CHP1: variants seen among roughly 807,000 people sequenced by gnomAD.
The protein encoded by CHP1 is calcineurin like EF-hand protein 1.
In CHP1, 11 loss-of-function variants were observed where a neutral mutation model predicts 27.4. The observed-to-expected ratio is 0.40, with a 90% CI of 0.25 to 0.67. The LOEUF (loss-of-function observed/expected upper bound fraction) is 0.67, where lower values mean the gene tolerates loss of function less well. CHP1 is among the 30% of genes least tolerant of loss of function. The pLI is 0.38. For missense variants in CHP1, 169 were observed against 251.3 expected (o/e 0.67, Z 2.22); for synonymous variants, 89 against 87.4 (o/e 1.02, Z -0.10).
In CHP1 at chr15:41,262,815, A is replaced by T; in HGVS notation, c.281A>T (p.Glu94Val). 6.2e-7 allele frequency: 1 copy of T among 1,613,968 alleles called. No individual in the cohort carries two copies. The highest frequency in any genetic ancestry group is 8.5e-7 in the Non-Finnish European group (1 of 1,180,028). ...ACTTTGGCTCATTTCCGCCCCATTGAGGATAATGAAAAGAGCAAAGATGTG... is the reference window on the plus strand; with the variant it reads ...ACTTTGGCTCATTTCCGCCCCATTGTGGATAATGAAAAGAGCAAAGATGTG... ...MRTLAHFRPIEDNEKSKDVNG... is the reference protein window; with the variant it reads ...MRTLAHFRPIVDNEKSKDVNG... The change falls in exon 4 of 7, where the codon GAG becomes GTG. Residue 94 changes from glutamate (E) to valine (V), a missense_variant. By Grantham distance (121) the Glu-to-Val change is moderately radical (BLOSUM62 -2). Coordinates refer to ENST00000334660, the MANE Select transcript of CHP1 (RefSeq NM_007236.5).
In CHP1 at chr15:41,244,082, C is replaced by A. The variant is rs542492365; in HGVS notation, c.140+343C>A. Among the ~76,000 whole-genome samples the A allele has an allele frequency of 2.0e-5, 3 of 151,770 alleles. No homozygotes were observed. In the South Asian group the frequency reaches 6.3e-4, roughly 32 times the overall value. On this transcript the variant is annotated intron_variant, in intron 2 of 6. Transcript: ENST00000334660. ...GTGTGGTGGTAGGCGCCTGTAATCC[C>A]AGCTACTCAGGAGGCTGAGGTAGGA...
intron 5 of CHP1, among the ~76,000 whole-genome samples, chr15:41,278,515 C>G (rs542034883): frequency 6.6e-6 from 1 of 152,276 alleles, no homozygotes; most frequent in Admixed American, 6.5e-5. Context: ...CTACTCCACC[C>G]TCTGGTAGGC....
chr15:41,265,363 CAAAAAAAAAAAAAAA>C lies in CHP1; in HGVS notation c.349+2498_349+2512del, dbSNP rs544658200. On this transcript the variant is annotated intron_variant, in intron 4 of 6. Coordinates refer to ENST00000334660, the MANE Select transcript of CHP1 (RefSeq NM_007236.5). Reference sequence around the variant, plus strand: ...TGGGTGATAGAGCGAGACTCTGTCTCAAAAAAAAAAAAAAAAAAAAAAAAAAAAAAAAGGAGATGT... The same window carrying C: ...TGGGTGATAGAGCGAGACTCTGTCTCAAAAAAAAAAAAAAAAAGGAGATGT... Among the ~76,000 whole-genome samples, 15 of 36,880 alleles carry C rather than the reference CAAAAAAAAAAAAAAA, an allele frequency of 4.1e-4. 1 individual carries two copies. The highest frequency in any genetic ancestry group is 3.5e-3 in the South Asian group (2 of 568). The allele number at this position is 36,880 out of a possible 152,430, so 24.2% of individuals were successfully genotyped here.
At chr15:41,259,168 T>G (rs2047418509) in intron 3 of CHP1, among the ~76,000 whole-genome samples, 1 of 152,206 alleles carries the variant, frequency 6.6e-6, no homozygotes, top group South Asian at 2.1e-4. Context: ...CAGAGATAAC[T>G]TTCACAGCTA....
intron 1 of CHP1, among the ~76,000 whole-genome samples, chr15:41,236,181 T>C (rs577565500): frequency 2.6e-5 from 4 of 151,320 alleles, no homozygotes; most frequent in Non-Finnish European, 5.9e-5. Context: ...TGGCCTCAAA[T>C]GATCCTTCCA....
At chr15:41,234,579 A>G (rs2047267721) in intron 1 of CHP1, among the ~76,000 whole-genome samples, 1 of 152,224 alleles carries the variant, frequency 6.6e-6, no homozygotes, top group Admixed American at 6.6e-5. Context: ...CTACATGACT[A>G]GATTAGCTGG....
chr15:41,237,864 C>A (rs2047285388), intron 1 of CHP1, among the ~76,000 whole-genome samples: 1 of 152,132 alleles, frequency 6.6e-6, no homozygotes, highest in African/African-American at 2.4e-5. Flanking sequence ...CACGTGCCAC[C>A]ATGCCCGGCT....
At chr15:41,239,970 G>A (rs2047297826) in intron 1 of CHP1, among the ~76,000 whole-genome samples, 1 of 151,600 alleles carries the variant, frequency 6.6e-6, no homozygotes, top group African/African-American at 2.4e-5. Context: ...TAGAGACAGG[G>A]TTTCACCGTG....
At chr15:41,239,656 C>G (rs1160627311) in intron 1 of CHP1, among the ~76,000 whole-genome samples, 3 of 152,108 alleles carry the variant, frequency 2.0e-5, no homozygotes. Flanking sequence ...CTCAGCCCCC[C>G]AAAGTGCTGG....
In CHP1 at chr15:41,256,396, C is replaced by G. The variant is rs116947684; in HGVS notation, c.141-514C>G. ...AATGGAGAAAAAGCCAGAGTCAGAA[C>G]AAGGAAATCAATTGGTTGTCACATT... On this transcript the variant is annotated intron_variant, in intron 2 of 6. Transcript: ENST00000334660. Among the ~76,000 whole-genome samples the G allele has an allele frequency of 6.9e-3, 1,046 of 152,240 alleles. 4 individuals are homozygous for G. The highest frequency in any genetic ancestry group is 0.011 in the Admixed American group (172 of 15,270).
At chr15:41,246,073 T>C (rs888569128) in intron 2 of CHP1, among the ~76,000 whole-genome samples, 4 of 152,174 alleles carry the variant, frequency 2.6e-5, no homozygotes, top group African/African-American at 7.2e-5. Flanking sequence ...ATTAAAACTA[T>C]GTGAATTTAC....
At chr15:41,241,988 T>G (rs1427770831) in intron 1 of CHP1, among the ~76,000 whole-genome samples, 1 of 152,186 alleles carries the variant, frequency 6.6e-6, no homozygotes, top group East Asian at 1.9e-4. Flanking sequence ...TTCCAATCTA[T>G]CAGGAGACTA....
chr15:41,280,709 C>G lies in CHP1; in HGVS notation c.*1320C>G, dbSNP rs2047541160. 6.6e-6 allele frequency: 1 copy of G among 150,776 alleles called. No homozygotes were observed. The allele number at this position is 150,776 out of a possible 1,614,324, so 9.3% of individuals were successfully genotyped here. On this transcript the variant is annotated 3_prime_UTR_variant, in exon 7 of 7. Transcript: ENST00000334660. ...TGTATTTTTAGTGGAGACAGGGTTT[C>G]ACCATGTTGGCCAGGCTGGTCTCGA...
intron 5 of CHP1, among the ~76,000 whole-genome samples, chr15:41,271,550 G>T (rs2047489796): frequency 6.6e-6 from 1 of 152,180 alleles, no homozygotes; most frequent in Non-Finnish European, 1.5e-5. Flanking sequence ...AGGTAATTCT[G>T]ATGACACTTA....
chr15:41,270,451 G>A (rs2047482936), intron 4 of CHP1, 106 bp from the exon 5 acceptor site: 2 of 811,876 alleles, frequency 2.5e-6, no homozygotes, highest in African/African-American at 1.7e-5. Context: ...TTGGAAAATC[G>A]ATTAATTGGC....
In CHP1 at chr15:41,264,099, A is replaced by G. The variant is rs931648845; in HGVS notation, c.349+1216A>G. Reference sequence around the variant, plus strand: ...CTCATAGTCTGTTTTATCCTAAAGTATTATGGTCACATGGCAGCTCTCAGT... The same window carrying G: ...CTCATAGTCTGTTTTATCCTAAAGTGTTATGGTCACATGGCAGCTCTCAGT... On this transcript the variant is annotated intron_variant, in intron 4 of 6. Coordinates refer to ENST00000334660, the MANE Select transcript of CHP1 (RefSeq NM_007236.5). 16 of 815,140 alleles carry G rather than the reference A, an allele frequency of 2.0e-5. No homozygotes were observed. The African/African-American group carries it at 2.5e-4, about 13-fold the overall frequency. The allele number at this position is 815,140 out of a possible 1,614,324, so 50.5% of individuals were successfully genotyped here.
At chr15:41,263,240 T>C (rs2047442397) in intron 4 of CHP1, among the ~76,000 whole-genome samples, 1 of 152,222 alleles carries the variant, frequency 6.6e-6, no homozygotes, top group Non-Finnish European at 1.5e-5. Context: ...TTATAATTCA[T>C]TGAGCACCTA....
intron 5 of CHP1, among the ~76,000 whole-genome samples, chr15:41,273,165 AAT>A (rs535839294): frequency 1.3e-4 from 19 of 151,922 alleles, no homozygotes; most frequent in African/African-American, 4.1e-4. Flanking sequence ...TATAAAATAT[AAT>A]ATATATATAT....
rs1425644404 is a variant in CHP1, at chr15:41,278,758, G to A, written c.412-9G>A. Reference sequence around the variant, plus strand: ...AGGCCCTTGTAATTCCTGGCTCTTGGTCTTCCAGGTGCTACGCATGATGGT... The same window carrying A: ...AGGCCCTTGTAATTCCTGGCTCTTGATCTTCCAGGTGCTACGCATGATGGT... On this transcript the variant is annotated splice_polypyrimidine_tract_variant and intron_variant, in intron 5 of 6. Coordinates refer to ENST00000334660, the MANE Select transcript of CHP1 (RefSeq NM_007236.5). 2.5e-6 allele frequency: 4 copies of A among 1,614,002 alleles called. No individual in the cohort carries two copies. In the East Asian group the frequency reaches 6.7e-5, roughly 27 times the overall value.
Sources: allele counts gnomAD v4.1 joint callset (sites outside exome capture counted in the v4.1 genomes callset), GRCh38; gene constraint gnomAD v4.1.1; transcripts MANE v1.5; gene names NCBI Gene and HGNC (gene_info 2026-07-23, HGNC 2026-07-21).